The following ELAPOR2 variants were observed in gnomAD, a reference collection of about 807,000 sequenced individuals.
ELAPOR2 encodes the protein endosome/lysosome-associated apoptosis and autophagy regulator family member 2.
A neutral mutation model predicts 120.7 loss-of-function variants in ELAPOR2; 89 were observed. The ratio of observed to expected loss-of-function variants is 0.74; its 90% CI spans 0.62 to 0.88. The LOEUF (loss-of-function observed/expected upper bound fraction) is 0.88, where lower values mean the gene tolerates loss of function less well. Ranked by LOEUF, ELAPOR2 falls within the 40% of genes least tolerant of loss-of-function variation. The pLI is 0.00. For missense variants in ELAPOR2, 1,134 were observed against 1,251.6 expected (o/e 0.91, Z 1.42); for synonymous variants, 444 against 444.9 (o/e 1.00, Z 0.03).
At chr7:87,002,164 T>C (rs1190276333) in intron 1 of ELAPOR2, among the ~76,000 whole-genome samples, 1 of 152,190 alleles carries the variant, frequency 6.6e-6, no homozygotes, top group Admixed American at 6.5e-5. Context: ...ATAATGTTCC[T>C]AGCCACCTTC....
intron 1 of ELAPOR2, among the ~76,000 whole-genome samples, chr7:87,052,843 C>A (rs1048253465): frequency 6.6e-6 from 1 of 151,836 alleles, no homozygotes; most frequent in Non-Finnish European, 1.5e-5. Context: ...GTCACCCAGA[C>A]TGGAGTGCAG....
At chr7:87,056,475 T>C (rs1795266575) in intron 1 of ELAPOR2, among the ~76,000 whole-genome samples, 1 of 152,256 alleles carries the variant, frequency 6.6e-6, no homozygotes, top group Admixed American at 6.5e-5. Context: ...TTGTGCTTCA[T>C]CTGCCAGCAC....
rs1342880293 is a variant in ELAPOR2, at chr7:86,909,958, G to A, written c.2213C>T (p.Thr738Ile). ...TGACCCTGCCACTATTTCTTTTACT[G>A]TAAAGTCTGTTATATTGTTGGTACA... ...ALCTNNITDF[T>I]VKEIVAGSDD... Residue 738 changes from threonine to isoleucine, a missense_variant, in exon 16 of 22, where the codon ACA (threonine) becomes ATA (isoleucine). By Grantham distance (89) the Thr-to-Ile change is moderately conservative. Coordinates refer to ENST00000450689, the MANE Select transcript of ELAPOR2 (RefSeq NM_001142749.3). 1.2e-6 allele frequency: 2 copies of A among 1,612,744 alleles called. No homozygotes were observed. Among genetic ancestry groups the A allele is most frequent in the Non-Finnish European group, 1.7e-6 (2 of 1,179,294 alleles).
intron 8 of ELAPOR2, 28 bp downstream of exon 8, chr7:86,938,098 G>A: frequency 1.3e-6 from 2 of 1,499,202 alleles, no homozygotes; most frequent in Non-Finnish European, 1.8e-6. Context: ...AAAAATATGG[G>A]ATGGAGTTGA....
intron 1 of ELAPOR2, among the ~76,000 whole-genome samples, chr7:87,035,489 C>A (rs1794558979): frequency 6.6e-6 from 1 of 152,170 alleles, no homozygotes; most frequent in Admixed American, 6.5e-5. Context: ...CATGTCATGG[C>A]CCCCTCAAGT....
intron 18 of ELAPOR2, among the ~76,000 whole-genome samples, chr7:86,907,031 A>G (rs541768940): frequency 7.2e-5 from 11 of 152,226 alleles, no homozygotes; most frequent in South Asian, 2.1e-4. Flanking sequence ...AGCCTACAAA[A>G]TTGTTTTCTT....
intron 5 of ELAPOR2, 51 bp downstream of exon 5, chr7:86,941,967 A>AAAAGAAGAAGGAAAAATTGGC: frequency 8.8e-7 from 1 of 1,139,496 alleles, no homozygotes; most frequent in Non-Finnish European, 1.3e-6. Context: ...GTTGGGGAAA[A>AAAAGAAGAAGGAAAAATTGGC]AAAGAAGAAG....
chr7:86,950,730 T>C lies in ELAPOR2; in HGVS notation c.311-2808A>G, dbSNP rs980394078. Among the ~76,000 whole-genome samples the C allele has an allele frequency of 3.3e-5, 5 of 152,096 alleles. No individual in the cohort carries two copies. In the East Asian group the frequency reaches 7.7e-4, roughly 23 times the overall value. The stretch of plus-strand genomic sequence containing the variant: ...TTGGCCAGCGTGGGACCCAGGCCAG[T>C]AGAGTGAGCCAAATGCAGCCTGGCA... On this transcript the variant is annotated intron_variant, in intron 2 of 21. Coordinates refer to ENST00000450689, the MANE Select transcript of ELAPOR2 (RefSeq NM_001142749.3).
In ELAPOR2 at chr7:87,013,420, T is replaced by C. The variant is rs140832831; in HGVS notation, c.189+45905A>G. ...TATCAAAAAGCTATTCTTAATCATATAATGAGCTTGTTTTCTGATTATTTT... is the reference window on the plus strand; with the variant it reads ...TATCAAAAAGCTATTCTTAATCATACAATGAGCTTGTTTTCTGATTATTTT... On this transcript the variant is annotated intron_variant, in intron 1 of 21. Coordinates refer to ENST00000450689, the MANE Select transcript of ELAPOR2 (RefSeq NM_001142749.3). Among the ~76,000 whole-genome samples, 270 of 152,296 alleles carry C rather than the reference T, an allele frequency of 1.8e-3. 1 individual carries two copies. The highest frequency in any genetic ancestry group is 6.2e-3 in the African/African-American group (256 of 41,564).
At chr7:86,925,682 AT>A (rs1265383646) in intron 9 of ELAPOR2, 26 bp from the exon 10 acceptor site, 2 of 1,607,776 alleles carry the variant, frequency 1.2e-6, no homozygotes, top group African/African-American at 1.3e-5. Flanking sequence ...AGGGTCAACA[AT>A]TAAAATTAAA....
chr7:86,943,730 A>G (rs1254371861), intron 4 of ELAPOR2, among the ~76,000 whole-genome samples: 1 of 152,140 alleles, frequency 6.6e-6, no homozygotes, highest in Admixed American at 6.5e-5. Flanking sequence ...ATGTTGCCAA[A>G]AGTATCCAAT....
At chr7:86,903,901 G>C (rs987747564) in intron 18 of ELAPOR2, among the ~76,000 whole-genome samples, 1 of 152,126 alleles carries the variant, frequency 6.6e-6, no homozygotes, top group African/African-American at 2.4e-5. Context: ...TTTAAAAGAA[G>C]GCACCAATAA....
intron 16 of ELAPOR2, among the ~76,000 whole-genome samples, chr7:86,909,220 T>C (rs1789179822): frequency 6.6e-6 from 1 of 151,966 alleles, no homozygotes; most frequent in African/African-American, 2.4e-5. Context: ...TGGCCACACA[T>C]CCGAATCACC....
At chr7:86,917,148 G>A (rs796538216) in intron 12 of ELAPOR2, among the ~76,000 whole-genome samples, 48 of 151,644 alleles carry the variant, frequency 3.2e-4, no homozygotes, top group African/African-American at 1.1e-3. Flanking sequence ...AGTTGGGCGC[G>A]GTGACTCACA....
intron 1 of ELAPOR2, among the ~76,000 whole-genome samples, chr7:86,996,620 A>G (rs1793133826): frequency 6.6e-6 from 1 of 152,230 alleles, no homozygotes; most frequent in Non-Finnish European, 1.5e-5. Context: ...AATTTGAAAT[A>G]ACTCTCATTT....
At chr7:86,884,031 A>G (rs923521431) in intron 21 of ELAPOR2, among the ~76,000 whole-genome samples, 2 of 152,212 alleles carry the variant, frequency 1.3e-5, no homozygotes, top group Non-Finnish European at 1.5e-5. Context: ...ACGGATATGT[A>G]ATAATACAAA....
At chr7:86,928,499 G>A (rs538218291) in intron 8 of ELAPOR2, among the ~76,000 whole-genome samples, 1 of 152,090 alleles carries the variant, frequency 6.6e-6, no homozygotes, top group Non-Finnish European at 1.5e-5. Flanking sequence ...TCCCAGGTGG[G>A]AGTGGCGGGC....
chr7:87,022,081 A>G (rs1237083083), intron 1 of ELAPOR2, among the ~76,000 whole-genome samples: 1 of 152,044 alleles, frequency 6.6e-6, no homozygotes, highest in African/African-American at 2.4e-5. Context: ...TTATTTATTT[A>G]TTTATTTTGT....
Position 86,877,950 on chromosome 7 carries a change from T to A in ELAPOR2, c.*2521A>T, listed in dbSNP as rs902601603. The A allele has an allele frequency of 6.6e-6, 1 of 152,188 alleles. No homozygotes were observed. Among genetic ancestry groups the A allele is most frequent in the African/African-American group, 2.4e-5 (1 of 41,440 alleles). The allele number at this position is 152,188 out of a possible 1,614,324, so 9.4% of individuals were successfully genotyped here. On this transcript the variant is annotated 3_prime_UTR_variant, in exon 22 of 22. Coordinates refer to ENST00000450689, the MANE Select transcript of ELAPOR2 (RefSeq NM_001142749.3). ...AAATGCTCAATGTTGTTAAATGACATAATATAATTTATCCACAGAAGACAT... is the reference window on the plus strand; with the variant it reads ...AAATGCTCAATGTTGTTAAATGACAAAATATAATTTATCCACAGAAGACAT...
Sources: allele counts gnomAD v4.1 joint callset (sites outside exome capture counted in the v4.1 genomes callset), GRCh38; gene constraint gnomAD v4.1.1; transcripts MANE v1.5; gene names NCBI Gene and HGNC (gene_info 2026-07-23, HGNC 2026-07-21).